Variants in TMEM154 observed in about 807,000 individuals in gnomAD.
TMEM154 encodes the protein transmembrane protein 154.
In TMEM154, 27 loss-of-function variants were observed where a neutral mutation model predicts 24.5. The observed-to-expected ratio is 1.10, with a 90% CI of 0.81 to 1.52. TMEM154 has a LOEUF of 1.52. TMEM154 is among the 40% of genes most tolerant of loss of function. The pLI is 0.00. For missense variants in TMEM154, 228 were observed against 213.4 expected, an observed-to-expected ratio of 1.07 and a Z score of -0.43; for synonymous variants, 67 against 76.8, an observed-to-expected ratio of 0.87 and a Z score of 0.67.
intron 1 of TMEM154, among the ~76,000 whole-genome samples, chr4:152,661,481 T>C (rs1215920881): frequency 6.6e-6 from 1 of 152,164 alleles, no homozygotes; most frequent in Non-Finnish European, 1.5e-5. Context: ...ATTTTACAGA[T>C]GAAGAAACTG....
chr4:152,628,638 C>CT (rs1201157665), intron 6 of TMEM154, 77 bp from the exon 7 acceptor site: 103,677 of 929,524 alleles, frequency 0.11, 84 homozygotes, highest in Middle Eastern at 0.14. Flanking sequence ...ATATTTCTTT[C>CT]TTTTTTTTTT....
At chr4:152,639,608 C>T (rs1752216607) in intron 6 of TMEM154, among the ~76,000 whole-genome samples, 1 of 152,072 alleles carries the variant, frequency 6.6e-6, no homozygotes, top group Non-Finnish European at 1.5e-5. Context: ...CTCCCTCTCT[C>T]TCTCCCCATT....
At chr4:152,672,841 G>T (rs1356875835) in intron 1 of TMEM154, among the ~76,000 whole-genome samples, 3 of 152,172 alleles carry the variant, frequency 2.0e-5, no homozygotes, top group Non-Finnish European at 4.4e-5. Context: ...CTCCTAAAAG[G>T]CTAGAGAGTA....
At chr4:152,632,059 G>A (rs922813471) in intron 6 of TMEM154, among the ~76,000 whole-genome samples, 2 of 151,330 alleles carry the variant, frequency 1.3e-5, no homozygotes, top group African/African-American at 4.9e-5. Context: ...CGCCCGCCTC[G>A]GCCTCCCAAA....
chr4:152,658,238 CAAAT>C lies in TMEM154; in HGVS notation c.65-5315_65-5312del, dbSNP rs749514729. On this transcript the variant is annotated intron_variant, in intron 1 of 6. Coordinates refer to ENST00000304385, the MANE Select transcript of TMEM154 (RefSeq NM_152680.3). ...GAAATTTTTTAAAAAAGGCTTGAAA[CAAAT>C]AAAAATGGAAACACACCATGCTAAA... is the stretch of plus-strand genomic sequence containing the variant. Among the ~76,000 whole-genome samples the C allele has an allele frequency of 4.1e-4, 62 of 151,916 alleles. 1 individual carries two copies. Among genetic ancestry groups the C allele is most frequent in the Non-Finnish European group, 1.2e-4 (8 of 67,954 alleles).
intron 3 of TMEM154, among the ~76,000 whole-genome samples, chr4:152,649,565 G>T (rs75930166): frequency 0.045 from 6,819 of 152,292 alleles, 189 homozygotes; most frequent in Non-Finnish European, 0.065. Context: ...AGATCAAATT[G>T]GGATGTGGGG....
intron 1 of TMEM154, among the ~76,000 whole-genome samples, chr4:152,679,019 A>T (rs1460222799): frequency 6.6e-6 from 1 of 152,226 alleles, no homozygotes; most frequent in Non-Finnish European, 1.5e-5. Flanking sequence ...CACTAGAAGC[A>T]GTCGGTGTTC....
intron 1 of TMEM154, among the ~76,000 whole-genome samples, chr4:152,674,611 C>G (rs1317523303): frequency 6.6e-6 from 1 of 152,204 alleles, no homozygotes; most frequent in Non-Finnish European, 1.5e-5. Context: ...ATGCTTGCCA[C>G]TTCCCATTCA....
intron 6 of TMEM154, among the ~76,000 whole-genome samples, chr4:152,639,167 T>C (rs528405670): frequency 8.2e-4 from 125 of 152,292 alleles, no homozygotes; most frequent in African/African-American, 2.6e-3. Context: ...GCCAGGCTGG[T>C]CTCGAACTCC....
chr4:152,651,214 G>T (rs985366191), intron 3 of TMEM154, among the ~76,000 whole-genome samples: 1 of 150,626 alleles, frequency 6.6e-6, no homozygotes, highest in African/African-American at 2.4e-5. Context: ...TAGGGACAGG[G>T]TTTCACCATG....
intron 1 of TMEM154, among the ~76,000 whole-genome samples, chr4:152,665,992 G>C (rs928544555): frequency 6.6e-6 from 1 of 152,010 alleles, no homozygotes; most frequent in Middle Eastern, 3.2e-3. Flanking sequence ...GTCTCACTTT[G>C]TTACCCAGGC....
chr4:152,643,243 C>A (rs545418186), intron 4 of TMEM154, 70 bp from the exon 5 acceptor site: 13 of 1,171,580 alleles, frequency 1.1e-5, no homozygotes, highest in Non-Finnish European at 1.6e-5. Context: ...TGGAAAGAGA[C>A]TAGAATGCTG....
chr4:152,648,684 G>A (rs553066247), intron 3 of TMEM154, among the ~76,000 whole-genome samples: 1 of 152,324 alleles, frequency 6.6e-6, no homozygotes, highest in Non-Finnish European at 1.5e-5. Context: ...GACCATGTCT[G>A]AGGTTGAGGC....
intron 1 of TMEM154, among the ~76,000 whole-genome samples, chr4:152,653,761 G>A (rs1051345913): frequency 5.9e-5 from 9 of 151,924 alleles, no homozygotes; most frequent in African/African-American, 1.9e-4. Context: ...TGACTGTGCC[G>A]GGCATGGTGG....
intron 3 of TMEM154, among the ~76,000 whole-genome samples, chr4:152,652,224 T>A (rs532013490): frequency 6.7e-6 from 1 of 149,300 alleles, no homozygotes; most frequent in African/African-American, 2.5e-5. Flanking sequence ...GAAAAAATGA[T>A]ACCAATAGAC....
rs191934398 is a variant in TMEM154, at chr4:152,628,133, C to T, written c.*413G>A. On this transcript the variant is annotated 3_prime_UTR_variant, in exon 7 of 7. Coordinates refer to ENST00000304385, the MANE Select transcript of TMEM154 (RefSeq NM_152680.3). ...GAAATTATCCAAAGCTGGTTACTGA[C>T]CCAAAAGGAAACCATCGATAAAACA... 1.5e-5 allele frequency: 3 copies of T among 201,144 alleles called. No homozygotes were observed. In the Admixed American group the frequency reaches 1.6e-4, roughly 11 times the overall value. 12.5% of individuals were successfully genotyped at this position (201,144 alleles called of 1,614,324 possible).
intron 3 of TMEM154, among the ~76,000 whole-genome samples, chr4:152,646,217 A>G (rs2149782141): frequency 6.6e-6 from 1 of 152,202 alleles, no homozygotes; most frequent in East Asian, 1.9e-4. Context: ...ATATATCTTT[A>G]TAATCCGGGT....
intron 5 of TMEM154, among the ~76,000 whole-genome samples, 170 bp downstream of exon 5, chr4:152,642,918 C>T (rs1422212497): frequency 6.6e-6 from 1 of 152,174 alleles, no homozygotes; most frequent in Non-Finnish European, 1.5e-5. Flanking sequence ...AACAATTAAG[C>T]TGAATATTTA....
At chr4:152,639,039 C>T (rs1022414415) in intron 6 of TMEM154, among the ~76,000 whole-genome samples, 24 of 152,274 alleles carry the variant, frequency 1.6e-4, no homozygotes, top group Non-Finnish European at 2.1e-4. Flanking sequence ...CAATCTCCGC[C>T]TTCCCAGTTG....
Sources: gnomAD v4.1 joint callset for allele counts (sites outside exome capture counted in the v4.1 genomes callset) on GRCh38, gnomAD v4.1.1 for gene constraint, MANE v1.5 for transcripts, NCBI Gene and HGNC (gene_info 2026-07-23, HGNC 2026-07-21) for gene names.